The following LHFPL3 variants were observed in gnomAD, a reference collection of about 807,000 sequenced individuals.
The protein encoded by LHFPL3 is LHFPL tetraspan subfamily member 3 protein.
Under a neutral mutation model 19.3 loss-of-function variants are expected in LHFPL3, and 5 were observed. That is an observed-to-expected ratio of 0.26 (90% CI 0.14 to 0.54). The LOEUF is 0.54. LHFPL3 is among the 20% of genes least tolerant of loss of function. The pLI is 0.94. For synonymous variants in LHFPL3, 133 were observed against 126.2 expected (o/e 1.05, Z -0.36); for missense variants, 249 against 307.4 (o/e 0.81, Z 1.42).
At chr7:104,516,921 T>C (rs1266129344) in intron 1 of LHFPL3, among the ~76,000 whole-genome samples, 1 of 152,144 alleles carries the variant, frequency 6.6e-6, no homozygotes, top group Non-Finnish European at 1.5e-5. Context: ...GTAGACTGTA[T>C]AAGTAAAATA....
intron 2 of LHFPL3, among the ~76,000 whole-genome samples, chr7:104,780,530 C>T (rs1021363106): frequency 4.6e-5 from 7 of 152,062 alleles, no homozygotes; most frequent in African/African-American, 1.7e-4. Flanking sequence ...ATCCTGGCAC[C>T]CTGGCACCTC....
At chr7:104,896,346 A>G (rs1311022392) in intron 2 of LHFPL3, among the ~76,000 whole-genome samples, 2 of 152,198 alleles carry the variant, frequency 1.3e-5, no homozygotes, top group Non-Finnish European at 2.9e-5. Flanking sequence ...CCACCTGAAC[A>G]TGCCCAATCT....
At chr7:104,336,846 G>A (rs1789818810) in intron 1 of LHFPL3, among the ~76,000 whole-genome samples, 1 of 152,068 alleles carries the variant, frequency 6.6e-6, no homozygotes, top group Admixed American at 6.6e-5. Flanking sequence ...AAAAATAATG[G>A]GATAAATGAA....
At chr7:104,578,630 C>T (rs1427372736) in intron 1 of LHFPL3, among the ~76,000 whole-genome samples, 2 of 152,138 alleles carry the variant, frequency 1.3e-5, no homozygotes, top group East Asian at 3.8e-4. Flanking sequence ...TCCTGGTGTC[C>T]AGTCCTGAGC....
chr7:104,507,028 A>G (rs556008998), intron 1 of LHFPL3, among the ~76,000 whole-genome samples: 1 of 152,322 alleles, frequency 6.6e-6, no homozygotes, highest in South Asian at 2.1e-4. Context: ...TAGAAGAGAG[A>G]ACTGGTGTCT....
chr7:104,588,619 T>C (rs1584420930), intron 1 of LHFPL3, among the ~76,000 whole-genome samples: 1 of 152,314 alleles, frequency 6.6e-6, no homozygotes, highest in East Asian at 1.9e-4. Context: ...TGGTTCCATA[T>C]GAACTTTAAA....
At chr7:104,343,728 C>CGT (rs10687589) in intron 1 of LHFPL3, among the ~76,000 whole-genome samples, 45,525 of 148,656 alleles carry the variant, frequency 0.31, 7,019 homozygotes, top group Middle Eastern at 0.43. Context: ...GTATGGCTTG[C>CGT]GTGTGTGTGT....
At position 104,686,562 on chromosome 7, in the gene LHFPL3, C is replaced by T. The variant is rs1792810061; in HGVS notation, c.446-50113C>T. Among the ~76,000 whole-genome samples, 4 of 152,142 alleles carry T rather than the reference C, an allele frequency of 2.6e-5. No homozygotes were observed. In the South Asian group the frequency reaches 8.3e-4, roughly 32 times the overall value. On this transcript the variant is annotated intron_variant, in intron 1 of 2. Transcript: ENST00000424859. ...CACCAAGTAATTCTCTGGTGGACAC[C>T]TGCTGGGTGTCCTCTAATTTCACCC... is the stretch of plus-strand genomic sequence containing the variant.
At chr7:104,765,827 G>A (rs910381706) in intron 2 of LHFPL3, among the ~76,000 whole-genome samples, 1 of 152,192 alleles carries the variant, frequency 6.6e-6, no homozygotes, top group Admixed American at 6.5e-5. Context: ...ATGCAATGCA[G>A]ATGTCTGATT....
At chr7:104,413,445 A>G (rs1791569029) in intron 1 of LHFPL3, among the ~76,000 whole-genome samples, 1 of 152,180 alleles carries the variant, frequency 6.6e-6, no homozygotes, top group Admixed American at 6.5e-5. Flanking sequence ...GCACTCTTCA[A>G]AGATCTTTTA....
chr7:104,853,424 C>T (rs973183432), intron 2 of LHFPL3, among the ~76,000 whole-genome samples: 1 of 152,220 alleles, frequency 6.6e-6, no homozygotes, highest in Non-Finnish European at 1.5e-5. Flanking sequence ...TCTCTCCCTC[C>T]TTCCAACCTT....
At chr7:104,535,894 G>T (rs1450946962) in intron 1 of LHFPL3, among the ~76,000 whole-genome samples, 1 of 152,260 alleles carries the variant, frequency 6.6e-6, no homozygotes, top group African/African-American at 2.4e-5. Context: ...CATTGTCAGA[G>T]AGTGGGAGCG....
chr7:104,359,023 G>C (rs757600695), intron 1 of LHFPL3, among the ~76,000 whole-genome samples: 6 of 152,212 alleles, frequency 3.9e-5, no homozygotes, highest in Non-Finnish European at 5.9e-5. Flanking sequence ...GACTCTGACA[G>C]TGCCCTGGAG....
intron 1 of LHFPL3, among the ~76,000 whole-genome samples, chr7:104,378,490 A>G (rs998649291): frequency 3.3e-5 from 5 of 152,226 alleles, no homozygotes; most frequent in African/African-American, 1.2e-4. Context: ...TTATGAATAA[A>G]GCTGCTGTGA....
intron 1 of LHFPL3, among the ~76,000 whole-genome samples, chr7:104,562,714 A>G (rs935194648): frequency 8.9e-4 from 135 of 151,790 alleles, no homozygotes; most frequent in Non-Finnish European, 1.7e-3. Context: ...GCTTTGTTCC[A>G]TTGCTGGTGA....
At chr7:104,759,507 C>T (rs559676122) in intron 2 of LHFPL3, among the ~76,000 whole-genome samples, 1 of 151,978 alleles carries the variant, frequency 6.6e-6, no homozygotes, top group East Asian at 1.9e-4. Flanking sequence ...TCCAATGTGT[C>T]TTTTACACTT....
intron 2 of LHFPL3, among the ~76,000 whole-genome samples, chr7:104,793,970 C>T (rs1176371627): frequency 2.6e-5 from 4 of 152,082 alleles, no homozygotes; most frequent in Admixed American, 6.6e-5. Flanking sequence ...TAGAGAGGCT[C>T]GGTGTGGATG....
chr7:104,353,824 A>G (rs749045068), intron 1 of LHFPL3, among the ~76,000 whole-genome samples: 1 of 152,120 alleles, frequency 6.6e-6, no homozygotes, highest in Non-Finnish European at 1.5e-5. Flanking sequence ...TGATTTTGTT[A>G]TTTGCTGATG....
intron 1 of LHFPL3, among the ~76,000 whole-genome samples, chr7:104,505,639 G>A (rs1269281289): frequency 6.6e-6 from 1 of 152,170 alleles, no homozygotes; most frequent in Non-Finnish European, 1.5e-5. Context: ...ATTATCATAT[G>A]TAGAAAACAT....
Sources: gnomAD v4.1 joint callset for allele counts (sites outside exome capture counted in the v4.1 genomes callset) on GRCh38, gnomAD v4.1.1 for gene constraint, MANE v1.5 for transcripts, NCBI Gene and HGNC (gene_info 2026-07-23, HGNC 2026-07-21) for gene names.